The following MAN2B2 variants were observed in gnomAD, a reference collection of about 807,000 sequenced individuals.
The protein encoded by MAN2B2 is epididymis-specific alpha-mannosidase.
MAN2B2 carries 106 observed loss-of-function variants against 117.1 expected under a neutral mutation model. The observed-to-expected ratio is 0.90, with a 90% CI of 0.77 to 1.06. The LOEUF (loss-of-function observed/expected upper bound fraction) is 1.06, where lower values mean the gene tolerates loss of function less well. MAN2B2 is among the 50% of genes least tolerant of loss of function. The probability of loss-of-function intolerance (pLI) is 0.00; values close to 1 mark genes in which losing one functional copy is unlikely to be tolerated. For missense variants in MAN2B2, 1,326 were observed against 1,381.4 expected, an observed-to-expected ratio of 0.96 and a Z score of 0.64; for synonymous variants, 544 against 595.1, an observed-to-expected ratio of 0.91 and a Z score of 1.25.
intron 3 of MAN2B2, among the ~76,000 whole-genome samples, chr4:6,580,906 G>T (rs1726402958): frequency 6.6e-6 from 1 of 152,184 alleles, no homozygotes; most frequent in Admixed American, 6.5e-5. Context: ...GGAAGCCTCA[G>T]GGAAGCTGAG....
chr4:6,590,163 G>C lies in MAN2B2; in HGVS notation c.680+1003G>C, dbSNP rs1221125402. Among the ~76,000 whole-genome samples, 3 of 152,176 alleles carry C rather than the reference G, an allele frequency of 2.0e-5. No homozygotes were observed. In the South Asian group the frequency reaches 6.2e-4, roughly 32 times the overall value. On this transcript the variant is annotated intron_variant, in intron 5 of 18. Transcript: ENST00000285599. ...AAGGCAGGTGGATCACTTCAGGTCA[G>C]GAATTTGAGACCAGCCTGGCCAACA...
chr4:6,622,287 G>A lies in MAN2B2; in HGVS notation c.*1002G>A, dbSNP rs573090068. The A allele has an allele frequency of 6.6e-6, 1 of 152,322 alleles. No homozygotes were observed. The highest frequency in any genetic ancestry group is 1.9e-4 in the East Asian group (1 of 5,190). 9.4% of individuals were successfully genotyped at this position (152,322 alleles called of 1,614,324 possible). On this transcript the variant is annotated 3_prime_UTR_variant, in exon 19 of 19. Coordinates refer to ENST00000285599, the MANE Select transcript of MAN2B2 (RefSeq NM_015274.3). ...CCAGGTACTGGAGGAAGAGAGAAGA[G>A]GCATGACAGCTAACAGGGACGGGCT...
chr4:6,612,748 C>T (rs1435002851), intron 15 of MAN2B2, among the ~76,000 whole-genome samples: 1 of 152,254 alleles, frequency 6.6e-6, no homozygotes, highest in East Asian at 1.9e-4. Flanking sequence ...GAGAAAGCCC[C>T]ATGGCTGTTG....
intron 10 of MAN2B2, 81 bp from the exon 11 acceptor site, chr4:6,604,974 T>C: frequency 1.4e-6 from 2 of 1,476,810 alleles, no homozygotes; most frequent in Non-Finnish European, 1.8e-6. Context: ...AAGACACTGC[T>C]GCCTCAGCAA....
At chr4:6,576,205 G>C (rs1221642342) in intron 1 of MAN2B2, among the ~76,000 whole-genome samples, 2 of 152,106 alleles carry the variant, frequency 1.3e-5, no homozygotes, top group Non-Finnish European at 2.9e-5. Flanking sequence ...ACCACACCCC[G>C]ACTGAGGCCT....
At chr4:6,590,217 C>CA (rs1456081140) in intron 5 of MAN2B2, among the ~76,000 whole-genome samples, 2 of 151,332 alleles carry the variant, frequency 1.3e-5, no homozygotes, top group African/African-American at 4.9e-5. Context: ...ACTGAAAATA[C>CA]AAAAAAAGAA....
In MAN2B2 at chr4:6,610,915, G is replaced by A. The variant is rs753529171; in HGVS notation, c.2295G>A (p.Glu765=). 4 of 1,614,220 alleles carry A rather than the reference G, an allele frequency of 2.5e-6. No individual in the cohort carries two copies. Among genetic ancestry groups the A allele is most frequent in the Admixed American group, 1.7e-5 (1 of 60,028 alleles). ...CCATGGTTCAGTCGGCCTTCATGGA[G>A]GATGGCAAAAGCAGGCTTGTGTTGC... is the stretch of plus-strand genomic sequence containing the variant. ...YYPMVQSAFM[E]DGKSRLVLLS... The change falls in exon 14 of 19, where the codon GAG becomes GAA. Residue 765 remains glutamate (E), a synonymous_variant. Transcript: ENST00000285599.
chr4:6,607,601 AT>A (rs1483826897), intron 11 of MAN2B2, among the ~76,000 whole-genome samples: 1 of 152,208 alleles, frequency 6.6e-6, no homozygotes, highest in Non-Finnish European at 1.5e-5. Flanking sequence ...CATCGCATGT[AT>A]GTACCATATT....
chr4:6,614,906 A>G (rs1711785128), intron 16 of MAN2B2, among the ~76,000 whole-genome samples: 1 of 152,254 alleles, frequency 6.6e-6, no homozygotes, highest in Non-Finnish European at 1.5e-5. Context: ...CAAGGACAAG[A>G]GGAATCCCCC....
chr4:6,580,878 A>G (rs1429603849), intron 3 of MAN2B2, among the ~76,000 whole-genome samples: 1 of 152,156 alleles, frequency 6.6e-6, no homozygotes, highest in African/African-American at 2.4e-5. Flanking sequence ...CTGACCCTGC[A>G]GGTCTGACCT....
Position 6,600,106 on chromosome 4 carries a change from C to CACACATGG in MAN2B2, c.1406-516_1406-509dup, listed in dbSNP as rs1727267163. 3.3e-5 allele frequency among the ~76,000 whole-genome samples: 5 copies of CACACATGG among 152,192 alleles called. No homozygotes were observed. The South Asian group carries it at 1.0e-3, about 32-fold the overall frequency. On this transcript the variant is annotated intron_variant, in intron 9 of 18. Coordinates refer to ENST00000285599, the MANE Select transcript of MAN2B2 (RefSeq NM_015274.3). Reference sequence around the variant, plus strand: ...AGTTCTCAGGTGTGGCCAGACCTCACACACATGGGCTGGTAGGATGCAACA... The same window carrying CACACATGG: ...AGTTCTCAGGTGTGGCCAGACCTCACACACATGGACACATGGGCTGGTAGGATGCAACA...
chr4:6,604,451 G>A (rs1450638615), intron 10 of MAN2B2, among the ~76,000 whole-genome samples: 1 of 151,152 alleles, frequency 6.6e-6, no homozygotes, highest in Non-Finnish European at 1.5e-5. Flanking sequence ...GGGTGGGAGT[G>A]GCTGGAGGAT....
Position 6,609,191 on chromosome 4 carries a change from T to C in MAN2B2, c.1899T>C (p.Asp633=), listed in dbSNP as rs142263985. 13 of 1,614,236 alleles carry C rather than the reference T, an allele frequency of 8.1e-6. No homozygotes were observed. In the Admixed American group the frequency reaches 2.2e-4, roughly 27 times the overall value. Residue 633 remains aspartate, a synonymous_variant, in exon 12 of 19, where the codon GAT becomes GAC. Coordinates refer to ENST00000285599, the MANE Select transcript of MAN2B2 (RefSeq NM_015274.3). ...ATGTGAAACAGGGCCCCATTTCCGATAACTACCTGTTCACACCGGGCAAGG... is the reference window on the plus strand; with the variant it reads ...ATGTGAAACAGGGCCCCATTTCCGACAACTACCTGTTCACACCGGGCAAGG... ...NGDVKQGPIS[D]NYLFTPGKAA...
intron 3 of MAN2B2, among the ~76,000 whole-genome samples, chr4:6,583,229 T>C (rs905250071): frequency 3.3e-5 from 5 of 152,218 alleles, no homozygotes; most frequent in Admixed American, 1.3e-4. Flanking sequence ...ACTCCTCACA[T>C]TTCCATTGGC....
At chr4:6,579,961 G>A (rs746805039) in intron 3 of MAN2B2, among the ~76,000 whole-genome samples, 11 of 152,232 alleles carry the variant, frequency 7.2e-5, no homozygotes, top group African/African-American at 2.7e-4. Context: ...TCTCTCCAGG[G>A]TAGATGGCCA....
chr4:6,579,428 T>TCACCAC (rs1219326214), intron 3 of MAN2B2, among the ~76,000 whole-genome samples: 4 of 85,552 alleles, frequency 4.7e-5, no homozygotes, highest in Non-Finnish European at 9.6e-5. Flanking sequence ...ACCACCACCA[T>TCACCAC]CACCACCACC....
intron 3 of MAN2B2, among the ~76,000 whole-genome samples, chr4:6,583,261 C>T (rs1229223879): frequency 6.6e-6 from 1 of 152,194 alleles, no homozygotes; most frequent in African/African-American, 2.4e-5. Context: ...CATATGGCCT[C>T]CCTCAACTGC....
At position 6,605,054 on chromosome 4, in the gene MAN2B2, G is replaced by A. The variant is rs751664466; in HGVS notation, c.1540-1G>A. Reference sequence around the variant, plus strand: ...CAAGTCTCATCCTGCTGGCCTTGCAGATCCAGAACTCAACAGAGACCCCAT... The same window carrying A: ...CAAGTCTCATCCTGCTGGCCTTGCAAATCCAGAACTCAACAGAGACCCCAT... On this transcript the variant is annotated splice_acceptor_variant, in intron 10 of 18. Transcript: ENST00000285599. LOFTEE classifies it high-confidence loss of function. 18 of 1,608,064 alleles carry A rather than the reference G, an allele frequency of 1.1e-5. No individual in the cohort carries two copies. In the South Asian group the frequency reaches 1.9e-4, roughly 17 times the overall value.
At position 6,609,174 on chromosome 4, in the gene MAN2B2, C is replaced by T; in HGVS notation, c.1882C>T (p.Gln628Ter). The change falls in exon 12 of 19, where the codon CAG becomes TAG. Residue 628 changes from glutamine to a stop codon, truncating the protein, a stop_gained. Coordinates refer to ENST00000285599, the MANE Select transcript of MAN2B2 (RefSeq NM_015274.3). LOFTEE classifies it high-confidence loss of function. Reference protein sequence around the residue: ...LEYHVNGDVKQGPISDNYLFT... With the variant: ...LEYHVNGDVK Reference sequence around the variant, plus strand: ...GTACCACGTCAACGGGGATGTGAAACAGGGCCCCATTTCCGATAACTACCT... The same window carrying T: ...GTACCACGTCAACGGGGATGTGAAATAGGGCCCCATTTCCGATAACTACCT... 1 of 1,614,226 alleles carries T rather than the reference C, an allele frequency of 6.2e-7. No individual in the cohort carries two copies. Among genetic ancestry groups the T allele is most frequent in the South Asian group, 1.1e-5 (1 of 91,084 alleles).
Sources: allele counts gnomAD v4.1 joint callset (sites outside exome capture counted in the v4.1 genomes callset), GRCh38; gene constraint gnomAD v4.1.1; transcripts MANE v1.5; gene names NCBI Gene and HGNC (gene_info 2026-07-23, HGNC 2026-07-21).